PIEZO2: variants seen among roughly 807,000 people sequenced by gnomAD.
PIEZO2 encodes the protein piezo type mechanosensitive ion channel component 2.
Under a neutral mutation model 337.3 loss-of-function variants are expected in PIEZO2, and 172 were observed. The ratio of observed to expected loss-of-function variants is 0.51; its 90% CI spans 0.45 to 0.58. The LOEUF is 0.58. Among genes scored for constraint, PIEZO2 ranks in the 20% least tolerant of loss-of-function variants. The probability of loss-of-function intolerance (pLI) is 0.00; values close to 1 mark genes in which losing one functional copy is unlikely to be tolerated. For synonymous variants in PIEZO2, 1,251 were observed against 1,228.5 expected, an observed-to-expected ratio of 1.02 and a Z score of -0.38; for missense variants, 3,028 against 3,391.3, an observed-to-expected ratio of 0.89 and a Z score of 2.66.
intron 2 of PIEZO2, among the ~76,000 whole-genome samples, chr18:11,045,933 T>C (rs1288151521): frequency 6.6e-6 from 1 of 152,222 alleles, no homozygotes; most frequent in Non-Finnish European, 1.5e-5. Flanking sequence ...CACCACTCAC[T>C]GTTGTGCTAT....
chr18:10,679,389 C>A (rs1228207258), intron 52 of PIEZO2, among the ~76,000 whole-genome samples: 2 of 152,194 alleles, frequency 1.3e-5, no homozygotes, highest in East Asian at 1.9e-4. Context: ...TCTTTAAAAA[C>A]AACTTATTAT....
intron 36 of PIEZO2, among the ~76,000 whole-genome samples, chr18:10,728,829 C>T (rs2036642699): frequency 6.6e-6 from 1 of 151,792 alleles, no homozygotes; most frequent in Non-Finnish European, 1.5e-5. Context: ...GTGGCGGGCG[C>T]CTGTAGTCCC....
Position 10,731,176 on chromosome 18 carries a change from AT to A in PIEZO2, c.5029+230del, listed in dbSNP as rs754214375. Among the ~76,000 whole-genome samples, 4,009 of 10,692 alleles carry A rather than the reference AT, an allele frequency of 0.37. 297 individuals carry two copies. Among genetic ancestry groups the A allele is most frequent in the Middle Eastern group, 0.5 (5 of 10 alleles). 7.0% of individuals were successfully genotyped at this position (10,692 alleles called of 152,430 possible). Reference sequence around the variant, plus strand: ...ACTCTCCTTTTTTCCTACTTAAAAGATTATATATATATATATATATATATAT... The same window carrying A: ...ACTCTCCTTTTTTCCTACTTAAAAGATATATATATATATATATATATATAT... On this transcript the variant is annotated intron_variant, in intron 36 of 55. Coordinates refer to ENST00000674853, the MANE Select transcript of PIEZO2 (RefSeq NM_001378183.1).
In PIEZO2 at chr18:10,979,487, A is replaced by T. The variant is rs1488541296; in HGVS notation, c.286+48T>A. On this transcript the variant is annotated intron_variant, in intron 3 of 55. Coordinates refer to ENST00000674853, the MANE Select transcript of PIEZO2 (RefSeq NM_001378183.1). The surrounding 1 kb of genome is among the most constrained non-coding windows in gnomAD (Gnocchi z 4.0). ...ACACACAGCTTTATTATGCACGTATATAAAAGAAATAAAAGAAAACAATAA... is the reference window on the plus strand; with the variant it reads ...ACACACAGCTTTATTATGCACGTATTTAAAAGAAATAAAAGAAAACAATAA... 2 of 1,413,620 alleles carry T rather than the reference A, an allele frequency of 1.4e-6. No individual in the cohort carries two copies. The highest frequency in any genetic ancestry group is 2.9e-5 in the African/African-American group (2 of 69,956). 87.6% of individuals were successfully genotyped at this position (1,413,620 alleles called of 1,614,324 possible). A position where few individuals can be genotyped will look rare whatever the true frequency, so the allele number is the denominator to read the frequency against.
chr18:10,855,213 C>T lies in PIEZO2; in HGVS notation c.917+140G>A. Reference sequence around the variant, plus strand: ...ACAATGAAAGTGCTAGACTGCTTCACCCACCCCCACAAAATCTTTGCTTAA... The same window carrying T: ...ACAATGAAAGTGCTAGACTGCTTCATCCACCCCCACAAAATCTTTGCTTAA... On this transcript the variant is annotated intron_variant, in intron 7 of 55. Transcript: ENST00000674853. The surrounding 1 kb of genome is among the most constrained non-coding windows in gnomAD (Gnocchi z 4.9). 1 of 725,338 alleles carries T rather than the reference C, an allele frequency of 1.4e-6. No homozygotes were observed. Among genetic ancestry groups the T allele is most frequent in the Non-Finnish European group, 2.3e-6 (1 of 440,442 alleles). The allele number at this position is 725,338 out of a possible 1,614,324, so 44.9% of individuals were successfully genotyped here. A position where few individuals can be genotyped will look rare whatever the true frequency, so the allele number is the denominator to read the frequency against.
Position 10,813,154 on chromosome 18 carries a change from T to C in PIEZO2, c.918-5880A>G, listed in dbSNP as rs2040250876. The stretch of plus-strand genomic sequence containing the variant: ...GCCACCACGCTCAGCTAAGTTTTTG[T>C]ATTTTTAGTAGAGAAGGGATTTCAC... On this transcript the variant is annotated intron_variant, in intron 7 of 55. Transcript: ENST00000674853. This position sits in a 1 kb window ranked among gnomAD's most constrained non-coding sequence, Gnocchi z 4.2. Among the ~76,000 whole-genome samples the C allele has an allele frequency of 6.6e-6, 1 of 152,082 alleles. No individual in the cohort carries two copies. Among genetic ancestry groups the C allele is most frequent in the Non-Finnish European group, 1.5e-5 (1 of 68,018 alleles).
Position 10,797,398 on chromosome 18 carries a change from G to T in PIEZO2, c.1503C>A (p.Tyr501Ter). The T allele has an allele frequency of 6.5e-7, 1 of 1,537,054 alleles. No homozygotes were observed. Among genetic ancestry groups the T allele is most frequent in the Non-Finnish European group, 8.7e-7 (1 of 1,146,824 alleles). ...CCATCATAGCTATGAGGGCACAGAT[G>T]TAACTTTGTTTCATAATAAATTGGA... ...SVFQFIMKQS[Y>*]ICALIAMMAW... Residue 501 changes from tyrosine (Y) to a stop codon, truncating the protein, a stop_gained, in exon 12 of 56, where the codon TAC becomes TAA. Transcript: ENST00000674853. LOFTEE classifies it high-confidence loss of function.
At chr18:10,886,105 A>G (rs967797383) in intron 4 of PIEZO2, among the ~76,000 whole-genome samples, 3 of 151,366 alleles carry the variant, frequency 2.0e-5, no homozygotes, top group African/African-American at 7.3e-5. Flanking sequence ...ACACACACAC[A>G]AAGTGTGGTG....
chr18:11,014,575 C>A (rs551263028), intron 2 of PIEZO2, among the ~76,000 whole-genome samples: 75 of 147,540 alleles, frequency 5.1e-4, no homozygotes, highest in Non-Finnish European at 9.5e-4. Context: ...AACATGTCAC[C>A]CTGGGTGGGA....
chr18:10,752,795 G>C lies in PIEZO2; in HGVS notation c.4008C>G (p.Thr1336=). The part of the protein sequence containing the change: ...VLTIIFITGT[T]RISIFCMGYL... ...ACCCCATGCAAAAGATGCTGATCCT[G>C]GTGGTCCCAGTGATGAAGATGATGG... Residue 1336 remains threonine, a synonymous_variant, in exon 28 of 56, where the codon ACC becomes ACG. Coordinates refer to ENST00000674853, the MANE Select transcript of PIEZO2 (RefSeq NM_001378183.1). 2 of 1,537,034 alleles carry C rather than the reference G, an allele frequency of 1.3e-6. No individual in the cohort carries two copies. The highest frequency in any genetic ancestry group is 2.4e-5 in the East Asian group (1 of 40,934).
intron 1 of PIEZO2, among the ~76,000 whole-genome samples, chr18:11,122,831 A>G (rs930678245): frequency 6.6e-6 from 1 of 152,094 alleles, no homozygotes; most frequent in African/African-American, 2.4e-5. Flanking sequence ...AGAGTTTCAA[A>G]GCAAACAAGA....
chr18:10,705,740 G>C lies in PIEZO2; in HGVS notation c.5595C>G (p.Pro1865=), dbSNP rs1181425469. Residue 1865 remains proline (P), a synonymous_variant, in exon 41 of 56, where the codon CCC becomes CCG. Coordinates refer to ENST00000674853, the MANE Select transcript of PIEZO2 (RefSeq NM_001378183.1). ...ADSGSLASSE[P]TQCTMLYSRQ... ...GTGAGTACAGCATGGTACACTGCGTGGGCTCGCTGTTGGGAGAAAGCGTGG... is the reference window on the plus strand; with the variant it reads ...GTGAGTACAGCATGGTACACTGCGTCGGCTCGCTGTTGGGAGAAAGCGTGG... The C allele has an allele frequency of 3.3e-6, 5 of 1,523,590 alleles. No individual in the cohort carries two copies. Among genetic ancestry groups the C allele is most frequent in the Non-Finnish European group, 4.4e-6 (5 of 1,138,744 alleles). The allele number at this position is 1,523,590 out of a possible 1,614,324, so 94.4% of individuals were successfully genotyped here.
intron 3 of PIEZO2, among the ~76,000 whole-genome samples, chr18:10,944,971 G>A (rs1232600540): frequency 1.3e-5 from 2 of 152,078 alleles, no homozygotes. Flanking sequence ...GGAAGAAGAA[G>A]CCAGGCAGAA....
Position 10,795,005 on chromosome 18 carries a change from C to T in PIEZO2, c.1528-3G>A. On this transcript the variant is annotated splice_region_variant and splice_polypyrimidine_tract_variant and intron_variant, in intron 12 of 55. Coordinates refer to ENST00000674853, the MANE Select transcript of PIEZO2 (RefSeq NM_001378183.1). The surrounding 1 kb of genome is among the most constrained non-coding windows in gnomAD (Gnocchi z 4.4). ...CTGTGATAGGTGATGCTCCAGGCCT[C>T]CGGAGGACAGAAAAGGAAACACGAC... 6.5e-7 allele frequency: 1 copy of T among 1,546,866 alleles called. No homozygotes were observed. The highest frequency in any genetic ancestry group is 8.7e-7 in the Non-Finnish European group (1 of 1,146,762).
intron 52 of PIEZO2, among the ~76,000 whole-genome samples, chr18:10,678,584 C>T (rs530056047): frequency 9.2e-5 from 14 of 152,280 alleles, no homozygotes; most frequent in South Asian, 2.1e-4. Context: ...AATAAGCTTG[C>T]TTAGGGTTCT....
intron 2 of PIEZO2, among the ~76,000 whole-genome samples, chr18:11,024,649 CG>C (rs2036464520): frequency 6.6e-6 from 1 of 151,572 alleles, no homozygotes; most frequent in Admixed American, 6.6e-5. Flanking sequence ...TGTTTTGTTT[CG>C]TTTTTTTGAG....
At position 10,696,506 on chromosome 18, in the gene PIEZO2, G is replaced by A. The variant is rs778361916; in HGVS notation, c.6861C>T (p.Phe2287=). 2.5e-6 allele frequency: 4 copies of A among 1,613,870 alleles called. No homozygotes were observed. In the Admixed American group the frequency reaches 6.7e-5, roughly 27 times the overall value. The change falls in exon 46 of 56, where the codon TTC becomes TTT. Residue 2287 remains phenylalanine, a synonymous_variant. Coordinates refer to ENST00000674853, the MANE Select transcript of PIEZO2 (RefSeq NM_001378183.1). The part of the protein sequence containing the change: ...TLEIYVPIKQ[F]FYNLIHPEYS... ...ACTCCGGGTGGATGAGGTTGTAAAA[G>A]AACTGTTTGATGGGCACATAGATCT...
Position 10,870,327 on chromosome 18 carries a change from C to T in PIEZO2, c.492+926G>A, listed in dbSNP as rs8089540. 0.49 allele frequency among the ~76,000 whole-genome samples: 74,237 copies of T among 151,990 alleles called. 19,923 individuals are homozygous for T. The highest frequency in any genetic ancestry group is 0.73 in the African/African-American group (30,198 of 41,470). On this transcript the variant is annotated intron_variant, in intron 5 of 55. Coordinates refer to ENST00000674853, the MANE Select transcript of PIEZO2 (RefSeq NM_001378183.1). The surrounding 1 kb of genome is among the most constrained non-coding windows in gnomAD (Gnocchi z 5.3). ...GAATTTTCCTCCCTCAATGGCTCATCGGTTAACATTCTCAATATAAGTAAC... is the reference window on the plus strand; with the variant it reads ...GAATTTTCCTCCCTCAATGGCTCATTGGTTAACATTCTCAATATAAGTAAC...
chr18:10,944,845 C>T (rs1164564644), intron 3 of PIEZO2, among the ~76,000 whole-genome samples: 2 of 151,662 alleles, frequency 1.3e-5, no homozygotes, highest in East Asian at 4.0e-4. Context: ...ATTTTCAAGA[C>T]ACTGAATTTC....
Sources: gnomAD v4.1 joint callset for allele counts (sites outside exome capture counted in the v4.1 genomes callset) on GRCh38, gnomAD v4.1.1 for gene constraint, Gnocchi (gnomAD v3.1) non-coding constraint, MANE v1.5 for transcripts, NCBI Gene and HGNC (gene_info 2026-07-23, HGNC 2026-07-21) for gene names.